ADAM10: variants seen among roughly 807,000 people sequenced by gnomAD.
ADAM10 encodes disintegrin and metalloproteinase domain-containing protein 10.
A neutral mutation model predicts 90.1 loss-of-function variants in ADAM10; 17 were observed. The observed-to-expected ratio is 0.19, with a 90% CI of 0.13 to 0.28. ADAM10 has a LOEUF of 0.28. ADAM10 is among the 10% of genes least tolerant of loss of function. The pLI is 1.00. For missense variants in ADAM10, 610 were observed against 914.3 expected (o/e 0.67, Z 4.29); for synonymous variants, 310 against 298.6 (o/e 1.04, Z -0.40).
At chr15:58,680,958 C>G (rs745318655) in intron 3 of ADAM10, among the ~76,000 whole-genome samples, 2 of 152,106 alleles carry the variant, frequency 1.3e-5, no homozygotes, top group African/African-American at 4.8e-5. Flanking sequence ...ACTGAAACTA[C>G]AGGTGTGCCA....
chr15:58,746,391 C>T (rs1359010136), intron 1 of ADAM10, among the ~76,000 whole-genome samples: 1 of 152,136 alleles, frequency 6.6e-6, no homozygotes, highest in East Asian at 1.9e-4. Context: ...CAGAGAAGTG[C>T]CTGCCATGCC....
chr15:58,610,258 C>G, intron 14 of ADAM10, 39 bp downstream of exon 14: 1 of 1,577,054 alleles, frequency 6.3e-7, no homozygotes, highest in East Asian at 2.2e-5. Flanking sequence ...TAAGATCAAA[C>G]CACTTTAAGT....
chr15:58,700,080 C>T (rs1898087912), intron 2 of ADAM10, among the ~76,000 whole-genome samples: 1 of 152,098 alleles, frequency 6.6e-6, no homozygotes, highest in East Asian at 1.9e-4. Flanking sequence ...AACTACAGAG[C>T]ACCCATTACG....
intron 2 of ADAM10, chr15:58,691,436 AATG>A (rs1405227165): frequency 3.0e-6 from 2 of 667,742 alleles, no homozygotes; most frequent in Non-Finnish European, 5.8e-6. Context: ...TGCACTCACC[AATG>A]ATGTCACAGA....
At chr15:58,699,251 G>T (rs934732271) in intron 2 of ADAM10, among the ~76,000 whole-genome samples, 9 of 152,110 alleles carry the variant, frequency 5.9e-5, no homozygotes, top group Admixed American at 5.9e-4. Context: ...AGCAAAAACA[G>T]GTAATTTGAC....
intron 2 of ADAM10, among the ~76,000 whole-genome samples, chr15:58,688,613 T>C (rs1170041531): frequency 1.3e-5 from 2 of 148,620 alleles, no homozygotes; most frequent in African/African-American, 5.0e-5. Context: ...TAAAGAATTA[T>C]GGGGAAAATA....
intron 11 of ADAM10, among the ~76,000 whole-genome samples, chr15:58,615,175 G>A (rs1250677234): frequency 2.0e-5 from 3 of 149,624 alleles, no homozygotes; most frequent in African/African-American, 7.4e-5. Context: ...TAGGGAGCCT[G>A]AGGCAGGAGA....
At chr15:58,630,479 T>C (rs1274603386) in intron 9 of ADAM10, among the ~76,000 whole-genome samples, 1 of 152,096 alleles carries the variant, frequency 6.6e-6, no homozygotes, top group Non-Finnish European at 1.5e-5. Flanking sequence ...TAGAAAGTAG[T>C]AGAAGTGAGT....
At chr15:58,660,449 G>C (rs1306650912) in intron 5 of ADAM10, among the ~76,000 whole-genome samples, 3 of 151,190 alleles carry the variant, frequency 2.0e-5, no homozygotes, top group Non-Finnish European at 4.4e-5. Context: ...AACCATCTCA[G>C]TTTCTTAATT....
At chr15:58,670,145 T>C (rs1897161532) in intron 4 of ADAM10, among the ~76,000 whole-genome samples, 1 of 151,712 alleles carries the variant, frequency 6.6e-6, no homozygotes, top group East Asian at 1.9e-4. Context: ...TAATACTGAC[T>C]ACAGAGATGT....
chr15:58,735,429 C>CT (rs1204617108), intron 1 of ADAM10, among the ~76,000 whole-genome samples: 4 of 152,126 alleles, frequency 2.6e-5, no homozygotes, highest in Admixed American at 2.6e-4. Context: ...CTTGGTATCC[C>CT]TGGGGGGTTG....
chr15:58,744,584 A>C (rs1899724687), intron 1 of ADAM10, among the ~76,000 whole-genome samples: 1 of 152,236 alleles, frequency 6.6e-6, no homozygotes. Flanking sequence ...CAGAAACTAC[A>C]ATAGAACCCA....
At position 58,730,007 on chromosome 15, in the gene ADAM10, A is replaced by C. The variant is rs540848395; in HGVS notation, c.56-12280T>G. ...AAAACAAAACAAACAAACAAACAAA[A>C]AAAAAAACTCATTGAAGCACTTTAG... On this transcript the variant is annotated intron_variant, in intron 1 of 15. Coordinates refer to ENST00000260408, the MANE Select transcript of ADAM10 (RefSeq NM_001110.4). 9.7e-4 allele frequency among the ~76,000 whole-genome samples: 144 copies of C among 148,858 alleles called. 3 individuals carry two copies. Among genetic ancestry groups the C allele is most frequent in the Admixed American group, 1.6e-3 (24 of 14,770 alleles).
chr15:58,654,618 A>G (rs1409044436), intron 5 of ADAM10, among the ~76,000 whole-genome samples: 1 of 152,194 alleles, frequency 6.6e-6, no homozygotes, highest in Non-Finnish European at 1.5e-5. Flanking sequence ...GGCTCAAATG[A>G]TCATTCCACA....
At chr15:58,748,045 AG>A (rs1899848150) in intron 1 of ADAM10, 1 of 138,318 alleles carries the variant, frequency 7.2e-6, no homozygotes, top group African/African-American at 3.2e-5. Flanking sequence ...CTCCTCTAAC[AG>A]AGAGTCTCCC....
chr15:58,609,247 T>C (rs1895366585), intron 14 of ADAM10: 1 of 152,164 alleles, frequency 6.6e-6, no homozygotes, highest in African/African-American at 2.4e-5. Context: ...TAAGGAAACC[T>C]AAGTTAAGTC....
chr15:58,699,850 T>C (rs1156746318), intron 2 of ADAM10, among the ~76,000 whole-genome samples: 4 of 152,090 alleles, frequency 2.6e-5, no homozygotes, highest in African/African-American at 9.7e-5. Context: ...AGCGCTCACA[T>C]ACCAGTAATA....
At chr15:58,733,794 G>T (rs368251773) in intron 1 of ADAM10, among the ~76,000 whole-genome samples, 4 of 151,760 alleles carry the variant, frequency 2.6e-5, no homozygotes, top group South Asian at 2.1e-4. Context: ...AATTTTATCT[G>T]TTTTTTAACT....
intron 5 of ADAM10, among the ~76,000 whole-genome samples, chr15:58,650,249 T>G (rs894078817): frequency 6.6e-6 from 1 of 152,200 alleles, no homozygotes; most frequent in Non-Finnish European, 1.5e-5. Context: ...CTGGTTACAT[T>G]GAACTGAGTG....
Sources: allele counts gnomAD v4.1 joint callset (sites outside exome capture counted in the v4.1 genomes callset), GRCh38; gene constraint gnomAD v4.1.1; transcripts MANE v1.5; gene names NCBI Gene and HGNC (gene_info 2026-07-23, HGNC 2026-07-21).